The following GRIA4 variants were observed in gnomAD, a reference collection of about 807,000 sequenced individuals.
The protein encoded by GRIA4 is glutamate receptor 4.
In GRIA4, 34 loss-of-function variants were observed where a neutral mutation model predicts 104.0. The observed-to-expected ratio is 0.33, with a 90% CI of 0.25 to 0.44. The LOEUF is 0.44. Ranked by LOEUF, GRIA4 falls within the 20% of genes least tolerant of loss-of-function variation. The pLI, the probability that GRIA4 is intolerant of heterozygous loss-of-function variation, is 1.00. For missense variants in GRIA4, 750 were observed against 1,096.5 expected, an observed-to-expected ratio of 0.68 and a Z score of 4.46; for synonymous variants, 386 against 381.9, an observed-to-expected ratio of 1.01 and a Z score of -0.13.
chr11:105,851,895 C>T (rs1944823377), intron 4 of GRIA4, among the ~76,000 whole-genome samples: 1 of 152,154 alleles, frequency 6.6e-6, no homozygotes, highest in Non-Finnish European at 1.5e-5. Flanking sequence ...TCTGCCTCAG[C>T]CACTGGAATG....
chr11:105,672,697 G>C (rs1338646684), intron 3 of GRIA4, among the ~76,000 whole-genome samples: 1 of 151,958 alleles, frequency 6.6e-6, no homozygotes, highest in Non-Finnish European at 1.5e-5. Flanking sequence ...ATTGTGTCTT[G>C]CTGCATTGGC....
chr11:105,915,207 G>T (rs1379756108), intron 10 of GRIA4, among the ~76,000 whole-genome samples: 2 of 152,152 alleles, frequency 1.3e-5, no homozygotes, highest in Non-Finnish European at 2.9e-5. Context: ...GTGCGATCAT[G>T]TCATTTCTCT....
At chr11:105,898,200 A>G in intron 6 of GRIA4, 69 bp from the exon 7 acceptor site, 2 of 721,226 alleles carry the variant, frequency 2.8e-6, no homozygotes, top group Non-Finnish European at 2.4e-6. Context: ...TTATTAATTT[A>G]TGTTACTATT....
intron 3 of GRIA4, among the ~76,000 whole-genome samples, chr11:105,616,977 T>C (rs1183259459): frequency 6.6e-6 from 1 of 151,496 alleles, no homozygotes; most frequent in Admixed American, 6.6e-5. Flanking sequence ...ATAATTTGTA[T>C]ATATTTGATG....
chr11:105,842,936 A>T (rs1565280397), intron 4 of GRIA4: 3 of 152,170 alleles, frequency 2.0e-5, no homozygotes, highest in African/African-American at 7.2e-5. Context: ...TAAAGGATTC[A>T]TTTTAATAGA....
At chr11:105,673,060 C>G (rs1952424905) in intron 3 of GRIA4, among the ~76,000 whole-genome samples, 1 of 152,096 alleles carries the variant, frequency 6.6e-6, no homozygotes, top group South Asian at 2.1e-4. Context: ...TTAGAGTAAA[C>G]TCTAAACTCC....
chr11:105,823,040 G>T (rs1943634365), intron 4 of GRIA4, among the ~76,000 whole-genome samples: 2 of 152,022 alleles, frequency 1.3e-5, no homozygotes. Flanking sequence ...AATGATAGTG[G>T]TACCAGGCAA....
At chr11:105,873,250 G>A (rs1372126849) in intron 5 of GRIA4, among the ~76,000 whole-genome samples, 1 of 152,126 alleles carries the variant, frequency 6.6e-6, no homozygotes, top group Non-Finnish European at 1.5e-5. Context: ...CAAAGGACAT[G>A]AACTCATCCT....
At chr11:105,724,988 T>C (rs1363132864) in intron 3 of GRIA4, among the ~76,000 whole-genome samples, 1 of 152,192 alleles carries the variant, frequency 6.6e-6, no homozygotes, top group Non-Finnish European at 1.5e-5. Context: ...TGCATTTGAA[T>C]CTCATCTCTA....
intron 10 of GRIA4, chr11:105,912,968 C>T: frequency 2.1e-6 from 2 of 969,022 alleles, no homozygotes; most frequent in Non-Finnish European, 2.5e-6. Context: ...TGAGAGTGAG[C>T]ACTGGATATA....
At chr11:105,749,334 T>C (rs1939861241) in intron 3 of GRIA4, among the ~76,000 whole-genome samples, 3 of 152,006 alleles carry the variant, frequency 2.0e-5, no homozygotes, top group African/African-American at 4.8e-5. Flanking sequence ...TGTGAAACAG[T>C]AGAGAGATAG....
chr11:105,759,473 T>G (rs976421034), intron 4 of GRIA4, among the ~76,000 whole-genome samples: 7 of 152,160 alleles, frequency 4.6e-5, no homozygotes, highest in Admixed American at 1.3e-4. Context: ...ACTTCTTCAA[T>G]ACAAACTACA....
chr11:105,624,218 A>G (rs912969031), intron 3 of GRIA4, among the ~76,000 whole-genome samples: 15 of 152,168 alleles, frequency 9.9e-5, no homozygotes. Flanking sequence ...ATTGACGTAC[A>G]TTGTGCTGAT....
chr11:105,901,409 G>A (rs1203341548), intron 7 of GRIA4, among the ~76,000 whole-genome samples: 1 of 152,024 alleles, frequency 6.6e-6, no homozygotes, highest in African/African-American at 2.4e-5. Context: ...TTAGTAAATA[G>A]AAATCATTTC....
chr11:105,624,370 G>C lies in GRIA4; in HGVS notation c.247+11936G>C, dbSNP rs186660649. On this transcript the variant is annotated intron_variant, in intron 3 of 16. Transcript: ENST00000282499. ...GGAGAAAGCCCTTTTGGGAAGCCCA[G>C]GTGAACTAGCAAGCACACTCAGGAG... Among the ~76,000 whole-genome samples, 578 of 152,200 alleles carry C rather than the reference G, an allele frequency of 3.8e-3. 4 individuals carry two copies. Among genetic ancestry groups the C allele is most frequent in the Admixed American group, 0.012 (186 of 15,274 alleles).
At chr11:105,658,433 T>C (rs941742375) in intron 3 of GRIA4, among the ~76,000 whole-genome samples, 2 of 151,768 alleles carry the variant, frequency 1.3e-5, no homozygotes, top group Non-Finnish European at 2.9e-5. Flanking sequence ...TATAAAATAA[T>C]ATATTGCATC....
At chr11:105,793,520 C>G (rs1942314071) in intron 4 of GRIA4, among the ~76,000 whole-genome samples, 1 of 152,132 alleles carries the variant, frequency 6.6e-6, no homozygotes. Flanking sequence ...CAATGCAGGA[C>G]TCTATTACCT....
intron 11 of GRIA4, 45 bp from the exon 12 acceptor site, chr11:105,924,354 G>T: frequency 6.9e-7 from 1 of 1,450,112 alleles, no homozygotes; most frequent in South Asian, 1.4e-5. Context: ...ATTGCTTCAT[G>T]AAATTCATTA....
intron 4 of GRIA4, among the ~76,000 whole-genome samples, chr11:105,856,981 T>C (rs564676167): frequency 1.9e-4 from 29 of 152,300 alleles, no homozygotes; most frequent in African/African-American, 6.3e-4. Context: ...GCTGTAAAAG[T>C]AGGAAAATCT....
Sources: allele counts gnomAD v4.1 joint callset (sites outside exome capture counted in the v4.1 genomes callset), GRCh38; gene constraint gnomAD v4.1.1; transcripts MANE v1.5; gene names NCBI Gene and HGNC (gene_info 2026-07-23, HGNC 2026-07-21).